The following MRPL37 variants were observed in gnomAD, a reference collection of about 807,000 sequenced individuals.
The protein encoded by MRPL37 is large ribosomal subunit protein mL37.
MRPL37 carries 34 observed loss-of-function variants against 44.1 expected under a neutral mutation model. The ratio of observed to expected loss-of-function variants is 0.77; its 90% CI spans 0.59 to 1.03. MRPL37 has a LOEUF of 1.03. Ranked by LOEUF, MRPL37 falls within the 50% of genes least tolerant of loss-of-function variation. MRPL37 has a pLI of 0.00. For synonymous variants in MRPL37, 212 were observed against 219.5 expected, an observed-to-expected ratio of 0.97 and a Z score of 0.30; for missense variants, 532 against 543.7, an observed-to-expected ratio of 0.98 and a Z score of 0.21.
chr1:54,202,424 G>A (rs1481944038), intron 1 of MRPL37, among the ~76,000 whole-genome samples: 1 of 152,010 alleles, frequency 6.6e-6, no homozygotes, highest in Non-Finnish European at 1.5e-5. Context: ...ATTGCCTGAG[G>A]GTGTCTCCCC....
At position 54,200,484 on chromosome 1, in the gene MRPL37, G is replaced by A; in HGVS notation, c.241G>A (p.Gly81Ser). ...ARPIFPPWDR[G>S]YKDPRFYRSP... ...GCCGATCTTTCCGCCCTGGGACCGC[G>A]GCTACAAGGACCCAAGGTTCTACCG... Residue 81 changes from glycine to serine, a missense_variant, in exon 1 of 7, where the codon GGC becomes AGC. By Grantham distance (56) the Gly-to-Ser change is moderately conservative. Transcript: ENST00000360840. The A allele has an allele frequency of 2.5e-6, 4 of 1,614,216 alleles. No homozygotes were observed. Among genetic ancestry groups the A allele is most frequent in the Non-Finnish European group, 3.4e-6 (4 of 1,180,038 alleles).
chr1:54,211,728 G>A (rs3766459), intron 4 of MRPL37, among the ~76,000 whole-genome samples: 136,893 of 152,186 alleles, frequency 0.9, 61,712 homozygotes, highest in East Asian at 0.96. Flanking sequence ...CCTGGGCCCA[G>A]GCGATCTGCT....
downstream of MRPL37, chr1:54,220,987 G>A (rs1012913529): frequency 1.6e-5 from 6 of 369,472 alleles, no homozygotes; most frequent in African/African-American, 1.3e-4. Flanking sequence ...ATTTGGCCTG[G>A]GGGAAAGCCA....
At chr1:54,221,855 C>T (rs1445288748), downstream of MRPL37, among the ~76,000 whole-genome samples, 1 of 149,164 alleles carries the variant, frequency 6.7e-6, no homozygotes, top group Non-Finnish European at 1.5e-5. Context: ...TAAGCACCTA[C>T]TGTGTACCAG....
chr1:54,205,270 C>T (rs776861257), intron 2 of MRPL37, 25 bp from the exon 3 acceptor site: 6 of 1,609,762 alleles, frequency 3.7e-6, no homozygotes, highest in Non-Finnish European at 4.2e-6. Context: ...CTTTAAGTCC[C>T]CAAATGTCTC....
At chr1:54,222,105 C>T (rs1397820264), downstream of MRPL37, among the ~76,000 whole-genome samples, 1 of 152,236 alleles carries the variant, frequency 6.6e-6, no homozygotes, top group Non-Finnish European at 1.5e-5. Context: ...CCAGTTATTC[C>T]AAGAGCACTC....
At chr1:54,205,520 C>A in intron 3 of MRPL37, 110 bp downstream of exon 3, 1 of 853,416 alleles carries the variant, frequency 1.2e-6, no homozygotes, top group South Asian at 1.7e-5. Flanking sequence ...TCCTTACTCC[C>A]ATCATTCGTG....
intron 1 of MRPL37, 80 bp downstream of exon 1, chr1:54,200,669 A>G: frequency 9.1e-6 from 13 of 1,427,070 alleles, no homozygotes; most frequent in Non-Finnish European, 1.2e-5. Flanking sequence ...TTTGGGCAAG[A>G]CATTGAAACT....
chr1:54,211,694 T>C lies in MRPL37; in HGVS notation c.833-807T>C, dbSNP rs570586747. The stretch of plus-strand genomic sequence containing the variant: ...TCTTTTTAGAGATAGGGTCTTATTA[T>C]GTTTTCTAGGCTGGTCTAAAACTCC... On this transcript the variant is annotated intron_variant, in intron 4 of 6. Transcript: ENST00000360840. 2.3e-4 allele frequency among the ~76,000 whole-genome samples: 35 copies of C among 152,322 alleles called. 1 individual carries two copies. The South Asian group carries it at 5.6e-3, about 24-fold the overall frequency.
In MRPL37 at chr1:54,206,905, T is replaced by TTG. The variant is rs56169941; in HGVS notation, c.646+1515_646+1516dup. On this transcript the variant is annotated intron_variant, in intron 3 of 6. Transcript: ENST00000360840. ...ACCCGCCACCATGCCCAGCTAATTT[T>TTG]TGTGTGTGTGTGTGTGTGTGTATTT... is the stretch of plus-strand genomic sequence containing the variant. Among the ~76,000 whole-genome samples, 75 of 150,272 alleles carry TTG rather than the reference T, an allele frequency of 5.0e-4. 2 individuals carry two copies. In the South Asian group the frequency reaches 5.7e-3, roughly 11 times the overall value.
chr1:54,216,342 GT>G lies in MRPL37; in HGVS notation c.1193del (p.Val398GlyfsTer18), dbSNP rs776345017. The G allele has an allele frequency of 6.2e-7, 1 of 1,613,784 alleles. No homozygotes were observed. Among genetic ancestry groups the G allele is most frequent in the Non-Finnish European group, 8.5e-7 (1 of 1,179,984 alleles). On this transcript the variant is annotated frameshift_variant and splice_region_variant, in exon 6 of 7. Transcript: ENST00000360840. LOFTEE classifies it high-confidence loss of function. ...CCCAGTGATCAAAAAGAGAGTGGTT[GT>G]GGTAAGTTGAGCCATCTCCTGCCTG... ...CLPVIKKRVV[V>X]EPVGPVGFKP... is the part of the protein sequence containing the mutation.
chr1:54,209,307 A>G (rs895608462), intron 3 of MRPL37, among the ~76,000 whole-genome samples: 3 of 152,166 alleles, frequency 2.0e-5, no homozygotes, highest in African/African-American at 7.2e-5. Flanking sequence ...GCATTGGTTC[A>G]TCCCCTCTTA....
downstream of MRPL37, among the ~76,000 whole-genome samples, chr1:54,224,070 G>A (rs1466220078): frequency 2.0e-5 from 3 of 152,228 alleles, no homozygotes; most frequent in African/African-American, 7.2e-5. Flanking sequence ...TAGGCACCCT[G>A]ATCCCATGGC....
chr1:54,200,369 G>T lies in MRPL37; in HGVS notation c.126G>T (p.Glu42Asp), dbSNP rs1311892154. ...GCGTGCGCTCCACGCGGAAGTCGGA[G>T]CCTCCTCCCCTGGATAGGGTGTACG... The part of the protein sequence containing the change: ...EWGVRSTRKS[E>D]PPPLDRVYEI... The change falls in exon 1 of 7, where the codon GAG becomes GAT. Residue 42 changes from glutamate to aspartate, a missense_variant. Transcript: ENST00000360840. 9.9e-6 allele frequency: 16 copies of T among 1,614,064 alleles called. No individual in the cohort carries two copies. Among genetic ancestry groups the T allele is most frequent in the Non-Finnish European group, 1.4e-5 (16 of 1,180,032 alleles).
rs376181835 is a variant in MRPL37 at position 54,216,358 on chromosome 1, T to C, written c.1194+14T>C. 9.9e-6 allele frequency: 16 copies of C among 1,612,736 alleles called. No homozygotes were observed. The African/African-American group carries it at 2.1e-4, about 22-fold the overall frequency. On this transcript the variant is annotated intron_variant, in intron 6 of 6. Coordinates refer to ENST00000360840, the MANE Select transcript of MRPL37 (RefSeq NM_016491.4). The stretch of plus-strand genomic sequence containing the variant: ...AGAGTGGTTGTGGTAAGTTGAGCCA[T>C]CTCCTGCCTGACCCAGGAGGGCCAT...
Position 54,209,961 on chromosome 1 carries a change from A to C in MRPL37, c.662A>C (p.Gln221Pro). ...ATWNRESLLL[Q>P]VRGSGGARLS... Reference sequence around the variant, plus strand: ...TCCCTTTTAGAGTCTCTTCTCCTTCAAGTCCGTGGTTCTGGTGGAGCCCGA... The same window carrying C: ...TCCCTTTTAGAGTCTCTTCTCCTTCCAGTCCGTGGTTCTGGTGGAGCCCGA... Residue 221 changes from glutamine to proline, a missense_variant, in exon 4 of 7, where the codon CAA becomes CCA. Transcript: ENST00000360840. The C allele has an allele frequency of 2.5e-6, 4 of 1,614,072 alleles. No homozygotes were observed. Among genetic ancestry groups the C allele is most frequent in the Non-Finnish European group, 2.5e-6 (3 of 1,179,992 alleles).
downstream of MRPL37, among the ~76,000 whole-genome samples, chr1:54,223,142 G>A (rs1258897055): frequency 2.6e-5 from 4 of 152,174 alleles, no homozygotes; most frequent in African/African-American, 4.8e-5. Flanking sequence ...ACCCACCCTC[G>A]TTGGTCTGAT....
chr1:54,225,474 T>C (rs778969428), downstream of MRPL37: 158 of 1,175,290 alleles, frequency 1.3e-4, no homozygotes, highest in Non-Finnish European at 1.7e-4. Context: ...TATCAACATA[T>C]ATCGTACACA....
At chr1:54,218,979 A>C (rs549747370), downstream of MRPL37, among the ~76,000 whole-genome samples, 8 of 152,378 alleles carry the variant, frequency 5.3e-5, no homozygotes, top group African/African-American at 1.7e-4. Flanking sequence ...ACGGTCACCC[A>C]CCTGGTGCTA....
Sources: gnomAD v4.1 joint callset for allele counts (sites outside exome capture counted in the v4.1 genomes callset) on GRCh38, gnomAD v4.1.1 for gene constraint, MANE v1.5 for transcripts, NCBI Gene and HGNC (gene_info 2026-07-23, HGNC 2026-07-21) for gene names.